The following PRTG variants were observed in gnomAD, a reference collection of about 807,000 sequenced individuals.
PRTG encodes the protein protogenin.
In PRTG, 67 loss-of-function variants were observed where a neutral mutation model predicts 122.5. That is an observed-to-expected ratio of 0.55 (90% confidence interval 0.45 to 0.67). The LOEUF (loss-of-function observed/expected upper bound fraction) is 0.67. Among genes scored for constraint, PRTG ranks in the 30% least tolerant of loss-of-function variants. The pLI is 0.00. For missense variants in PRTG, 1,435 were observed against 1,415.4 expected, an observed-to-expected ratio of 1.01 and a Z score of -0.22; for synonymous variants, 554 against 501.1, an observed-to-expected ratio of 1.11 and a Z score of -1.41.
At chr15:55,699,759 G>T (rs79231255) in intron 2 of PRTG, among the ~76,000 whole-genome samples, 1 of 152,062 alleles carries the variant, frequency 6.6e-6, no homozygotes, top group Non-Finnish European at 1.5e-5. Context: ...TTGGTCTAAG[G>T]GGCCTTGGAC....
chr15:55,723,748 T>C (rs1340061990), intron 2 of PRTG, among the ~76,000 whole-genome samples: 4 of 102,424 alleles, frequency 3.9e-5, no homozygotes, highest in Admixed American at 1.1e-4. Context: ...TTCTTTTCTT[T>C]TTTCTTTTTT....
Position 55,738,002 on chromosome 15 carries a change from C to CTCTCTCTCTA in PRTG, c.397+2379_397+2380insTAGAGAGAGA, listed in dbSNP as rs1248440584. Among the ~76,000 whole-genome samples, 455 of 96,532 alleles carry CTCTCTCTCTA rather than the reference C, an allele frequency of 4.7e-3. 6 individuals carry two copies. Among genetic ancestry groups the CTCTCTCTCTA allele is most frequent in the East Asian group, 0.015 (46 of 3,086 alleles). 63.3% of individuals were successfully genotyped at this position (96,532 alleles called of 152,430 possible). On this transcript the variant is annotated intron_variant, in intron 2 of 19. Transcript: ENST00000389286. ...TCTCTCTCTCTCTCTCTCTCTCTCT[C>CTCTCTCTCTA]TATATATATATATATATATATATAC...
chr15:55,662,598 A>T (rs1000604019), intron 11 of PRTG, among the ~76,000 whole-genome samples: 2 of 152,200 alleles, frequency 1.3e-5, no homozygotes, highest in Non-Finnish European at 2.9e-5. Context: ...CTAAGATCAC[A>T]TATAAATATG....
intron 2 of PRTG, among the ~76,000 whole-genome samples, chr15:55,694,917 C>A (rs906985554): frequency 6.6e-6 from 1 of 152,102 alleles, no homozygotes; most frequent in South Asian, 2.1e-4. Context: ...TCAGTGTTAA[C>A]GTAAACCAAG....
rs1410791604 is a variant in PRTG, at chr15:55,678,086, A to G, written c.1134-42T>C. On this transcript the variant is annotated intron_variant, in intron 7 of 19. Coordinates refer to ENST00000389286, the MANE Select transcript of PRTG (RefSeq NM_173814.6). ...AATTATTTCCATGAAAAATTCTAAG[A>G]ATGAATTCAAAATAAAGTTTAGCTA... is the stretch of plus-strand genomic sequence containing the variant. 4.7e-6 allele frequency: 6 copies of G among 1,278,056 alleles called. No individual in the cohort carries two copies. The East Asian group carries it at 9.6e-5, about 21-fold the overall frequency. The allele number at this position is 1,278,056 out of a possible 1,614,324, so 79.2% of individuals were successfully genotyped here. A position where few individuals can be genotyped will look rare whatever the true frequency, so the allele number is the denominator to read the frequency against.
chr15:55,686,491 C>T (rs1393266165), intron 2 of PRTG, among the ~76,000 whole-genome samples: 2 of 152,140 alleles, frequency 1.3e-5, no homozygotes, highest in Non-Finnish European at 2.9e-5. Context: ...ATTAAGTATT[C>T]AATTCAAGAT....
intron 17 of PRTG, among the ~76,000 whole-genome samples, chr15:55,626,514 C>T (rs1200028569): frequency 6.6e-6 from 1 of 151,220 alleles, no homozygotes; most frequent in Non-Finnish European, 1.5e-5. Context: ...GAGGATGAGG[C>T]GGGCAGATCA....
intron 2 of PRTG, among the ~76,000 whole-genome samples, chr15:55,729,448 G>A (rs931629625): frequency 5.3e-5 from 8 of 151,950 alleles, no homozygotes; most frequent in Non-Finnish European, 1.2e-4. Context: ...TGAGGCAGAC[G>A]CACAAAACCC....
At chr15:55,742,628 G>T in intron 1 of PRTG, 1 of 576,640 alleles carries the variant, frequency 1.7e-6, no homozygotes, top group Admixed American at 3.9e-5. Context: ...CCGCAGCCCT[G>T]CCCAAGCAGC....
At chr15:55,696,514 A>G (rs2059632956) in intron 2 of PRTG, among the ~76,000 whole-genome samples, 1 of 152,222 alleles carries the variant, frequency 6.6e-6, no homozygotes, top group Non-Finnish European at 1.5e-5. Context: ...AGTAAAACTA[A>G]GAGATCTAGT....
chr15:55,708,834 ATACT>A (rs1192955445), intron 2 of PRTG, among the ~76,000 whole-genome samples: 1 of 151,532 alleles, frequency 6.6e-6, no homozygotes, highest in Non-Finnish European at 1.5e-5. Context: ...GGGAAAACAA[ATACT>A]TAATAGAATT....
intron 2 of PRTG, among the ~76,000 whole-genome samples, chr15:55,730,137 C>T (rs1289585417): frequency 1.4e-4 from 21 of 152,116 alleles, no homozygotes; most frequent in Admixed American, 6.5e-5. Context: ...GGTTTCTCTC[C>T]GTTGCCCATA....
At chr15:55,638,525 T>G in intron 14 of PRTG, 24 bp downstream of exon 14, 1 of 1,567,798 alleles carries the variant, frequency 6.4e-7, no homozygotes, top group South Asian at 1.2e-5. Context: ...AAAGATAAAA[T>G]CTATAGGGAG....
intron 11 of PRTG, among the ~76,000 whole-genome samples, chr15:55,643,247 A>C (rs1016704400): frequency 6.6e-6 from 1 of 152,196 alleles, no homozygotes; most frequent in Non-Finnish European, 1.5e-5. Flanking sequence ...TCAAAAAACC[A>C]CAAGATGAAA....
chr15:55,700,529 C>T (rs1038124813), intron 2 of PRTG, among the ~76,000 whole-genome samples: 3 of 152,102 alleles, frequency 2.0e-5, no homozygotes, highest in African/African-American at 7.2e-5. Context: ...TGCCTGTAAT[C>T]TCAGCACTTC....
chr15:55,682,774 G>A (rs2059547989), intron 3 of PRTG, among the ~76,000 whole-genome samples: 1 of 151,956 alleles, frequency 6.6e-6, no homozygotes, highest in Non-Finnish European at 1.5e-5. Flanking sequence ...TGATGATCAG[G>A]CTGGTCTTGA....
intron 2 of PRTG, among the ~76,000 whole-genome samples, chr15:55,732,516 C>T (rs1406373334): frequency 1.7e-5 from 2 of 119,474 alleles, no homozygotes; most frequent in East Asian, 2.6e-4. Flanking sequence ...TTTTTTGAGA[C>T]GGAGTTTCGC....
In PRTG at chr15:55,618,580, G is replaced by T. The variant is rs905568617; in HGVS notation, c.*1432C>A. ...CAATTTGCTGATTTCAAACCTGCAA[G>T]AGGATTAACTCACTCCTGGAGTTAG... On this transcript the variant is annotated 3_prime_UTR_variant, in exon 20 of 20. Coordinates refer to ENST00000389286, the MANE Select transcript of PRTG (RefSeq NM_173814.6). 2.6e-5 allele frequency: 4 copies of T among 152,164 alleles called. No individual in the cohort carries two copies. Among genetic ancestry groups the T allele is most frequent in the African/African-American group, 4.8e-5 (2 of 41,438 alleles). 9.4% of individuals were successfully genotyped at this position (152,164 alleles called of 1,614,324 possible). A position where few individuals can be genotyped will look rare whatever the true frequency, so the allele number is the denominator to read the frequency against.
At chr15:55,687,440 T>C (rs539949236) in intron 2 of PRTG, among the ~76,000 whole-genome samples, 1 of 152,338 alleles carries the variant, frequency 6.6e-6, no homozygotes, top group South Asian at 2.1e-4. Context: ...GCCAGCCACA[T>C]AGGCAACTGA....
Sources: gnomAD v4.1 joint callset for allele counts (sites outside exome capture counted in the v4.1 genomes callset) on GRCh38, gnomAD v4.1.1 for gene constraint, MANE v1.5 for transcripts, NCBI Gene and HGNC (gene_info 2026-07-23, HGNC 2026-07-21) for gene names.